The following SULF2 variants were observed in gnomAD, a reference collection of about 807,000 sequenced individuals.
SULF2 encodes extracellular sulfatase Sulf-2.
Under a neutral mutation model 107.7 loss-of-function variants are expected in SULF2, and 52 were observed. That is an observed-to-expected ratio of 0.48 (90% CI 0.39 to 0.61). The LOEUF (loss-of-function observed/expected upper bound fraction) is 0.61, where lower values mean the gene tolerates loss of function less well. Among genes scored for constraint, SULF2 ranks in the 20% least tolerant of loss-of-function variants. The probability of loss-of-function intolerance (pLI) is 0.00; values close to 1 mark genes in which losing one functional copy is unlikely to be tolerated. For synonymous variants in SULF2, 460 were observed against 464.3 expected, an observed-to-expected ratio of 0.99 and a Z score of 0.12; for missense variants, 993 against 1,177.3, an observed-to-expected ratio of 0.84 and a Z score of 2.29.
At chr20:47,711,857 AAC>A (rs140775077) in intron 3 of SULF2, among the ~76,000 whole-genome samples, 6,413 of 152,330 alleles carry the variant, frequency 0.042, 344 homozygotes, top group East Asian at 0.23. Context: ...ATGAATATAC[AAC>A]ACACATATAC....
intron 3 of SULF2, among the ~76,000 whole-genome samples, chr20:47,733,403 C>T (rs4810672): frequency 0.11 from 16,704 of 152,254 alleles, 964 homozygotes; most frequent in East Asian, 0.2. Context: ...CCCTACACTT[C>T]GTCAATTCAC....
At chr20:47,765,109 T>C (rs896595075) in intron 1 of SULF2, among the ~76,000 whole-genome samples, 1 of 152,046 alleles carries the variant, frequency 6.6e-6, no homozygotes, top group Non-Finnish European at 1.5e-5. Context: ...CCCAGCACTT[T>C]GGGAGGCCAA....
chr20:47,732,563 G>A (rs1255846259), intron 3 of SULF2, among the ~76,000 whole-genome samples: 4 of 152,104 alleles, frequency 2.6e-5, no homozygotes, highest in East Asian at 1.9e-4. Context: ...AGGATGTGGC[G>A]AGGTGCAGTG....
intron 3 of SULF2, among the ~76,000 whole-genome samples, chr20:47,713,050 G>C (rs533481176): frequency 3.3e-5 from 5 of 152,004 alleles, no homozygotes; most frequent in Non-Finnish European, 1.5e-5. Context: ...GGGGGGCAGG[G>C]GTGGGGGGAG....
intron 3 of SULF2, among the ~76,000 whole-genome samples, chr20:47,712,520 A>G (rs1269794683): frequency 3.9e-5 from 6 of 152,118 alleles, no homozygotes; most frequent in Non-Finnish European, 1.5e-5. Flanking sequence ...TTCCCCAACT[A>G]GGGTGTGGGG....
Position 47,672,381 on chromosome 20 carries a change from C to T in SULF2, c.1393G>A (p.Val465Met), listed in dbSNP as rs752466139. ...TTCAGCTTCCCCGTGGCGTCCTCCACACACTGCCACTTCTGAAAGACATGC... is the reference window on the plus strand; with the variant it reads ...TTCAGCTTCCCCGTGGCGTCCTCCATACACTGCCACTTCTGAAAGACATGC... ...CEQLGQKWQC[V>M]EDATGKLKLH... Residue 465 changes from valine (V) to methionine (M), a missense_variant, in exon 11 of 21, where the codon GTG (valine) becomes ATG (methionine). By Grantham distance (21) the Val-to-Met change is conservative (BLOSUM62 1). Transcript: ENST00000688720. 1 of 1,609,098 alleles carries T rather than the reference C, an allele frequency of 6.2e-7. No individual in the cohort carries two copies. The highest frequency in any genetic ancestry group is 1.3e-5 in the African/African-American group (1 of 74,862).
intron 3 of SULF2, among the ~76,000 whole-genome samples, chr20:47,708,629 C>CT (rs1364680374): frequency 1.3e-5 from 2 of 152,190 alleles, no homozygotes; most frequent in African/African-American, 4.8e-5. Flanking sequence ...GAGAAAAAGG[C>CT]TTCACTGAAC....
chr20:47,696,704 T>A (rs748070087), intron 4 of SULF2, among the ~76,000 whole-genome samples: 13 of 151,952 alleles, frequency 8.6e-5, no homozygotes, highest in Non-Finnish European at 1.8e-4. Flanking sequence ...GTGGTGGGGG[T>A]GCCCTTATAC....
At chr20:47,774,246 G>A (rs757519871) in intron 1 of SULF2, among the ~76,000 whole-genome samples, 4 of 152,216 alleles carry the variant, frequency 2.6e-5, no homozygotes, top group Admixed American at 6.5e-5. Flanking sequence ...AGGAAAGCCC[G>A]GGTCAGAGGC....
At chr20:47,756,780 G>A (rs575896010) in intron 2 of SULF2, among the ~76,000 whole-genome samples, 6 of 152,016 alleles carry the variant, frequency 3.9e-5, no homozygotes, top group African/African-American at 1.5e-4. Flanking sequence ...TCAGTAGCTG[G>A]GGTTACAGGT....
At chr20:47,691,813 T>C (rs904680600) in intron 4 of SULF2, among the ~76,000 whole-genome samples, 2 of 151,266 alleles carry the variant, frequency 1.3e-5, no homozygotes, top group Admixed American at 6.6e-5. Flanking sequence ...GAGAGAAGAG[T>C]TGGAGGAAAA....
intron 15 of SULF2, 24 bp downstream of exon 15, chr20:47,664,106 C>A: frequency 6.2e-7 from 1 of 1,612,814 alleles, no homozygotes; most frequent in Admixed American, 1.7e-5. Context: ...GCATCTCTTC[C>A]CCAGGACCTC....
Position 47,658,174 on chromosome 20 carries a change from T to C in SULF2, c.*188A>G, listed in dbSNP as rs2086954124. 3 of 641,856 alleles carry C rather than the reference T, an allele frequency of 4.7e-6. No individual in the cohort carries two copies. The highest frequency in any genetic ancestry group is 8.4e-6 in the Non-Finnish European group (3 of 357,060). 39.8% of individuals were successfully genotyped at this position (641,856 alleles called of 1,614,324 possible). ...GCAAAAGCAGGGGCAAAAATGGACT[T>C]CCTGAAGTTATCTCTGCTCCTGCTG... On this transcript the variant is annotated 3_prime_UTR_variant, in exon 21 of 21. Transcript: ENST00000688720.
chr20:47,746,984 A>AT lies in SULF2; in HGVS notation c.176-10043_176-10042insA, dbSNP rs1487524104. ...ATGTACCCTAGAACTTAAATAAATAAAAAAAAAAAAATATATATATATATA... is the reference window on the plus strand; with the variant it reads ...ATGTACCCTAGAACTTAAATAAATAATAAAAAAAAAAATATATATATATATA... On this transcript the variant is annotated intron_variant, in intron 2 of 20. Coordinates refer to ENST00000688720, the MANE Select transcript of SULF2 (RefSeq NM_001387048.1). Among the ~76,000 whole-genome samples, 120 of 29,398 alleles carry AT rather than the reference A, an allele frequency of 4.1e-3. No individual in the cohort carries two copies. In the East Asian group the frequency reaches 0.049, roughly 12 times the overall value. The allele number at this position is 29,398 out of a possible 152,430, so 19.3% of individuals were successfully genotyped here.
chr20:47,685,251 A>C (rs2087958358), intron 5 of SULF2: 1 of 152,240 alleles, frequency 6.6e-6, no homozygotes, highest in Non-Finnish European at 1.5e-5. Context: ...TTTTTGAGAC[A>C]GTCTCGCTCT....
At chr20:47,708,472 A>G (rs1435782330) in intron 3 of SULF2, among the ~76,000 whole-genome samples, 3 of 152,180 alleles carry the variant, frequency 2.0e-5, no homozygotes, top group African/African-American at 4.8e-5. Flanking sequence ...CTCCTGGAAC[A>G]TTGCATGCCA....
intron 1 of SULF2, among the ~76,000 whole-genome samples, chr20:47,777,990 A>T (rs6066468): frequency 0.12 from 18,229 of 151,290 alleles, 1,656 homozygotes; most frequent in East Asian, 0.51. Context: ...AAAAAAAAAA[A>T]ATTAGCTGGG....
intron 2 of SULF2, among the ~76,000 whole-genome samples, chr20:47,755,641 T>C (rs1265372451): frequency 6.6e-6 from 1 of 152,172 alleles, no homozygotes; most frequent in Non-Finnish European, 1.5e-5. Context: ...ATCACTGCCC[T>C]ATCACCCCAT....
intron 11 of SULF2, among the ~76,000 whole-genome samples, chr20:47,670,204 G>GT (rs565415784): frequency 1.4e-4 from 22 of 151,728 alleles, no homozygotes; most frequent in Non-Finnish European, 2.1e-4. Flanking sequence ...GAGACTTTTT[G>GT]TTTTTTTTGA....
Sources: allele counts gnomAD v4.1 joint callset (sites outside exome capture counted in the v4.1 genomes callset), GRCh38; gene constraint gnomAD v4.1.1; transcripts MANE v1.5; gene names NCBI Gene and HGNC (gene_info 2026-07-23, HGNC 2026-07-21).